ARHGAP6: variants seen among roughly 807,000 people sequenced by gnomAD.
ARHGAP6 encodes the protein Rho GTPase activating protein 6, also known as rho GTPase-activating protein 6.
Under a neutral mutation model 55.7 loss-of-function variants are expected in ARHGAP6, and 16 were observed. The observed-to-expected ratio is 0.29, with a 90% confidence interval of 0.19 to 0.44. The LOEUF is 0.44. ARHGAP6 is among the 20% of genes least tolerant of loss of function. The pLI is 1.00. For synonymous variants in ARHGAP6, 382 were observed against 360.9 expected, an observed-to-expected ratio of 1.06 and a Z score of -0.66; for missense variants, 698 against 808.9, an observed-to-expected ratio of 0.86 and a Z score of 1.66.
intron 1 of ARHGAP6, among the ~76,000 whole-genome samples, chrX:11,610,603 A>G (rs2052091127): frequency 8.9e-6 from 1 of 112,441 alleles, no homozygotes; most frequent in African/African-American, 3.2e-5. Context: ...ATACACAAAG[A>G]AACATACATA....
chrX:11,462,684 A>G (rs1186791391), intron 1 of ARHGAP6, among the ~76,000 whole-genome samples: 2 of 112,454 alleles, frequency 1.8e-5, no homozygotes, highest in African/African-American at 6.5e-5. Context: ...CAGCCATTTC[A>G]TCCCTCAAAT....
At chrX:11,303,691 T>C (rs2048199169) in intron 1 of ARHGAP6, among the ~76,000 whole-genome samples, 1 of 111,730 alleles carries the variant, frequency 9.0e-6, no homozygotes, top group Non-Finnish European at 1.9e-5. Context: ...GGCCATGGAA[T>C]GTGCAGGCTC....
At chrX:11,463,693 C>CT (rs1233638163) in intron 1 of ARHGAP6, among the ~76,000 whole-genome samples, 1 of 112,007 alleles carries the variant, frequency 8.9e-6, no homozygotes, top group Non-Finnish European at 1.9e-5. Flanking sequence ...GTGTGTCCCC[C>CT]TGGGAGTGCA....
intron 1 of ARHGAP6, chrX:11,427,443 GC>G (rs1475165443): frequency 1.1e-6 from 1 of 881,640 alleles, no homozygotes; most frequent in African/African-American, 2.2e-5. Flanking sequence ...CACCCCCTCA[GC>G]CGTGGACCTG....
chrX:11,401,424 G>A lies in ARHGAP6; in HGVS notation c.589-146717C>T, dbSNP rs372615266. 3.5e-4 allele frequency among the ~76,000 whole-genome samples: 39 copies of A among 111,943 alleles called. No homozygotes were observed. In the South Asian group the frequency reaches 0.014, roughly 41 times the overall value. On this transcript the variant is annotated intron_variant, in intron 1 of 12. Transcript: ENST00000337414. The stretch of plus-strand genomic sequence containing the variant: ...GACCATGTTTCTTAACCTAGGCACT[G>A]TAGACATTTGGGTCTGGATAATTCT...
chrX:11,513,624 C>T (rs1379003962), intron 1 of ARHGAP6, among the ~76,000 whole-genome samples: 1 of 110,979 alleles, frequency 9.0e-6, no homozygotes, highest in East Asian at 2.9e-4. Flanking sequence ...TTTGTCCAGT[C>T]TCTCCCAGTA....
chrX:11,493,173 T>A (rs2050588855), intron 1 of ARHGAP6, among the ~76,000 whole-genome samples: 1 of 112,519 alleles, frequency 8.9e-6, no homozygotes, highest in Non-Finnish European at 1.9e-5. Context: ...ATGCACATTA[T>A]AATATAAAAA....
chrX:11,572,077 G>A (rs2051526010), intron 1 of ARHGAP6, among the ~76,000 whole-genome samples: 1 of 111,451 alleles, frequency 9.0e-6, no homozygotes, highest in Admixed American at 9.5e-5. Context: ...GTTAACACCT[G>A]TTGAATAGGG....
intron 1 of ARHGAP6, among the ~76,000 whole-genome samples, chrX:11,445,202 T>A (rs2050080842): frequency 8.9e-6 from 1 of 112,385 alleles, no homozygotes; most frequent in Non-Finnish European, 1.9e-5. Flanking sequence ...CTGAAGCTGT[T>A]AAGAGTTAAG....
chrX:11,509,650 T>C (rs1321147200), intron 1 of ARHGAP6, among the ~76,000 whole-genome samples: 2 of 112,322 alleles, frequency 1.8e-5, no homozygotes, highest in Admixed American at 9.5e-5. Flanking sequence ...AAAGTGGTTT[T>C]TGTTTTGAGA....
intron 1 of ARHGAP6, among the ~76,000 whole-genome samples, chrX:11,509,299 C>G (rs1198692364): frequency 9.0e-6 from 1 of 111,498 alleles, no homozygotes; most frequent in East Asian, 2.8e-4. Flanking sequence ...TACCTAGGAC[C>G]AGGAAGGGGT....
In ARHGAP6 at chrX:11,575,723, T is replaced by C. The variant is rs368196864; in HGVS notation, c.588+88518A>G. Reference sequence around the variant, plus strand: ...GAGATGGGAGAGAATTTGGCAACTTTGAAAGCAGAAATGAAAGCAACAAGG... The same window carrying C: ...GAGATGGGAGAGAATTTGGCAACTTCGAAAGCAGAAATGAAAGCAACAAGG... On this transcript the variant is annotated intron_variant, in intron 1 of 12. Coordinates refer to ENST00000337414, the MANE Select transcript of ARHGAP6 (RefSeq NM_013427.3). Among the ~76,000 whole-genome samples, 62 of 112,125 alleles carry C rather than the reference T, an allele frequency of 5.5e-4. 1 individual carries two copies. The South Asian group carries it at 0.022, about 40-fold the overall frequency.
intron 2 of ARHGAP6, among the ~76,000 whole-genome samples, chrX:11,205,860 A>G (rs767827756): frequency 8.9e-6 from 1 of 111,956 alleles, no homozygotes; most frequent in African/African-American, 3.2e-5. Context: ...ACTACCATCT[A>G]CTTATAACTT....
chrX:11,352,776 G>T (rs1327918541), intron 1 of ARHGAP6, among the ~76,000 whole-genome samples: 1 of 111,304 alleles, frequency 9.0e-6, no homozygotes, highest in African/African-American at 3.3e-5. Context: ...GTAAGAGCAG[G>T]TTTCTTAAAT....
At chrX:11,369,570 T>C (rs2049121588) in intron 1 of ARHGAP6, among the ~76,000 whole-genome samples, 1 of 111,812 alleles carries the variant, frequency 8.9e-6, no homozygotes, top group Admixed American at 9.6e-5. Flanking sequence ...TATTGATCCC[T>C]CTAAAACTCA....
chrX:11,159,163 C>T (rs933350997), intron 9 of ARHGAP6, among the ~76,000 whole-genome samples: 12 of 110,734 alleles, frequency 1.1e-4, no homozygotes, highest in African/African-American at 1.3e-4. Context: ...GGAAAGGAGG[C>T]GGGTGGTAGG....
At chrX:11,411,209 AT>A (rs1569334017) in intron 1 of ARHGAP6, among the ~76,000 whole-genome samples, 3 of 81,137 alleles carry the variant, frequency 3.7e-5, no homozygotes, top group Non-Finnish European at 6.8e-5. Flanking sequence ...ATATATATAT[AT>A]ATATATATAT....
intron 2 of ARHGAP6, among the ~76,000 whole-genome samples, chrX:11,214,938 C>T (rs938727892): frequency 4.4e-5 from 5 of 113,401 alleles, no homozygotes; most frequent in Non-Finnish European, 7.5e-5. Context: ...TGTGAAGCAC[C>T]GGGCTGCCCC....
chrX:11,588,099 T>C (rs888752453), intron 1 of ARHGAP6, among the ~76,000 whole-genome samples: 2 of 112,407 alleles, frequency 1.8e-5, no homozygotes, highest in African/African-American at 6.5e-5. Context: ...GTTCAGAATT[T>C]GAGGCAGACA....
Sources: allele counts gnomAD v4.1 joint callset (sites outside exome capture counted in the v4.1 genomes callset), GRCh38; gene constraint gnomAD v4.1.1; transcripts MANE v1.5; gene names NCBI Gene and HGNC (gene_info 2026-07-23, HGNC 2026-07-21).